RBFOX1: variants seen among roughly 807,000 people sequenced by gnomAD.
The protein encoded by RBFOX1 is RNA binding protein fox-1 homolog 1.
Under a neutral mutation model 57.7 loss-of-function variants are expected in RBFOX1, and 8 were observed. The observed-to-expected ratio is 0.14, with a 90% CI of 0.08 to 0.25. RBFOX1 has a LOEUF of 0.25. Among genes scored for constraint, RBFOX1 ranks in the 10% least tolerant of loss-of-function variants. The pLI, the probability that RBFOX1 is intolerant of heterozygous loss-of-function variation, is 1.00. For synonymous variants in RBFOX1, 326 were observed against 222.4 expected (o/e 1.47, Z -4.15); for missense variants, 611 against 548.5 (o/e 1.11, Z -1.14).
chr16:7,416,534 A>C (rs925637580), intron 4 of RBFOX1, among the ~76,000 whole-genome samples: 1 of 152,146 alleles, frequency 6.6e-6, no homozygotes, highest in African/African-American at 2.4e-5. Flanking sequence ...GGACAATTGT[A>C]AACAGAAGAT....
chr16:5,369,826 T>C (rs1359335857), intron 1 of RBFOX1, among the ~76,000 whole-genome samples: 1 of 152,180 alleles, frequency 6.6e-6, no homozygotes, highest in East Asian at 1.9e-4. Context: ...TAATGAAATA[T>C]ATTAGGTTGG....
intron 4 of RBFOX1, among the ~76,000 whole-genome samples, chr16:7,082,880 A>G (rs1244699344): frequency 6.6e-6 from 1 of 152,038 alleles, no homozygotes; most frequent in Non-Finnish European, 1.5e-5. Flanking sequence ...TAACTGGATT[A>G]ATTATTTTAA....
intron 3 of RBFOX1, among the ~76,000 whole-genome samples, chr16:6,686,541 C>A (rs1446974720): frequency 6.6e-6 from 1 of 152,164 alleles, no homozygotes; most frequent in African/African-American, 2.4e-5. Flanking sequence ...TTATATACAT[C>A]TTGGGAACAT....
At chr16:6,069,902 A>T (rs2095814935) in intron 1 of RBFOX1, among the ~76,000 whole-genome samples, 1 of 152,026 alleles carries the variant, frequency 6.6e-6, no homozygotes, top group Non-Finnish European at 1.5e-5. Flanking sequence ...CAGGAGAATC[A>T]CTTGAACCCA....
At chr16:7,200,412 T>C (rs1005890792) in intron 4 of RBFOX1, among the ~76,000 whole-genome samples, 4 of 152,186 alleles carry the variant, frequency 2.6e-5, no homozygotes, top group Non-Finnish European at 4.4e-5. Context: ...AACCCACAAC[T>C]GTGCTCTCTC....
chr16:6,436,173 A>G (rs1033521407), intron 2 of RBFOX1, among the ~76,000 whole-genome samples: 9 of 152,020 alleles, frequency 5.9e-5, no homozygotes, highest in Non-Finnish European at 1.3e-4. Flanking sequence ...GCAGCTCAAT[A>G]CAGTTAAGTA....
At chr16:5,573,978 A>G (rs963936028) in intron 2 of RBFOX1, among the ~76,000 whole-genome samples, 4 of 152,144 alleles carry the variant, frequency 2.6e-5, no homozygotes, top group Non-Finnish European at 5.9e-5. Flanking sequence ...GAAAAAGAAA[A>G]AATGAAACAA....
intron 3 of RBFOX1, among the ~76,000 whole-genome samples, chr16:5,660,635 C>T (rs1203691637): frequency 6.6e-6 from 1 of 152,122 alleles, no homozygotes; most frequent in Non-Finnish European, 1.5e-5. Flanking sequence ...ATTTCTTTCT[C>T]TGCACAGTTC....
chr16:6,934,342 G>A (rs1015946159), intron 3 of RBFOX1, among the ~76,000 whole-genome samples: 5 of 152,066 alleles, frequency 3.3e-5, no homozygotes, highest in Non-Finnish European at 7.4e-5. Context: ...TACAGAATAC[G>A]TATTTATGTA....
At position 7,676,816 on chromosome 16, in the gene RBFOX1, A is replaced by ACTGCCG. The variant is rs974157467; in HGVS notation, c.979_984dup (p.Ala327_Ala328dup). The ACTGCCG allele has an allele frequency of 1.2e-6, 2 of 1,613,164 alleles. No homozygotes were observed. The highest frequency in any genetic ancestry group is 1.1e-5 in the South Asian group (1 of 91,060). ...CCGCTACGCCCAGCCTACCCCTGCC[A>ACTGCCG]CTGCCGCTGCCTACAGTGACAGGTA... On this transcript the variant is annotated inframe_insertion, in exon 14 of 16. Coordinates refer to ENST00000550418, the MANE Select transcript of RBFOX1 (RefSeq NM_018723.4).
chr16:5,460,767 C>G (rs1441474139), intron 1 of RBFOX1, among the ~76,000 whole-genome samples: 2 of 152,212 alleles, frequency 1.3e-5, no homozygotes, highest in Admixed American at 1.3e-4. Context: ...GAGGAAGATG[C>G]CTCTGAGTGA....
intron 3 of RBFOX1, among the ~76,000 whole-genome samples, chr16:6,806,322 C>T (rs1280918305): frequency 6.6e-6 from 1 of 152,040 alleles, no homozygotes. Context: ...TGAATATTTA[C>T]TTTAATGTCA....
intron 3 of RBFOX1, among the ~76,000 whole-genome samples, chr16:5,631,376 G>A (rs920142735): frequency 6.6e-6 from 1 of 152,038 alleles, no homozygotes; most frequent in Non-Finnish European, 1.5e-5. Flanking sequence ...GGCCAATATG[G>A]CAAAACTCCA....
chr16:5,756,861 C>T (rs1336596281), intron 3 of RBFOX1, among the ~76,000 whole-genome samples: 1 of 152,080 alleles, frequency 6.6e-6, no homozygotes, highest in Non-Finnish European at 1.5e-5. Flanking sequence ...TTATTGCATG[C>T]AGAAACTGGG....
intron 4 of RBFOX1, among the ~76,000 whole-genome samples, chr16:7,217,636 GAAA>G (rs200852680): frequency 2.0e-5 from 3 of 149,758 alleles, no homozygotes; most frequent in African/African-American, 7.4e-5. Flanking sequence ...GCTTGAAAAG[GAAA>G]AAAAAATGTC....
intron 4 of RBFOX1, among the ~76,000 whole-genome samples, chr16:5,954,005 G>C (rs2059573491): frequency 6.6e-6 from 1 of 152,116 alleles, no homozygotes. Context: ...ACCTTGGCTT[G>C]TCACCACTGG....
intron 2 of RBFOX1, among the ~76,000 whole-genome samples, chr16:6,644,798 C>G (rs1238038317): frequency 6.6e-6 from 1 of 152,136 alleles, no homozygotes; most frequent in Non-Finnish European, 1.5e-5. Context: ...AGGAATTTTT[C>G]TTGTCCCCTA....
intron 3 of RBFOX1, among the ~76,000 whole-genome samples, chr16:6,829,748 C>T (rs930728064): frequency 3.3e-5 from 5 of 151,956 alleles, no homozygotes; most frequent in Non-Finnish European, 7.4e-5. Flanking sequence ...ATTACAGGCA[C>T]CTGCCACAAC....
At chr16:6,676,467 A>G (rs1480084404) in intron 3 of RBFOX1, among the ~76,000 whole-genome samples, 1 of 152,050 alleles carries the variant, frequency 6.6e-6, no homozygotes, top group African/African-American at 2.4e-5. Context: ...GAGGAGGCAG[A>G]AAGGTCCTGA....
Sources: gnomAD v4.1 joint callset for allele counts (sites outside exome capture counted in the v4.1 genomes callset) on GRCh38, gnomAD v4.1.1 for gene constraint, MANE v1.5 for transcripts, NCBI Gene and HGNC (gene_info 2026-07-23, HGNC 2026-07-21) for gene names.